The following PADI1 variants were observed in gnomAD, a reference collection of about 807,000 sequenced individuals.
The protein encoded by PADI1 is protein-arginine deiminase type-1.
PADI1 carries 65 observed loss-of-function variants against 74.8 expected under a neutral mutation model. That is an observed-to-expected ratio of 0.87 (90% CI 0.71 to 1.07). PADI1 has a LOEUF of 1.07. Ranked by LOEUF, PADI1 falls within the 50% of genes least tolerant of loss-of-function variation. PADI1 has a pLI of 0.00. For synonymous variants in PADI1, 371 were observed against 336.2 expected (o/e 1.10, Z -1.13); for missense variants, 943 against 854.0 (o/e 1.10, Z -1.30).
At chr1:17,227,574 TAAATA>T (rs1557468609) in intron 6 of PADI1, among the ~76,000 whole-genome samples, 29 of 137,456 alleles carry the variant, frequency 2.1e-4, no homozygotes, top group Middle Eastern at 4.9e-3. Context: ...AATAAATAAA[TAAATA>T]AATTACCACT....
At chr1:17,219,367 G>T (rs551899248) in intron 1 of PADI1, among the ~76,000 whole-genome samples, 1 of 152,304 alleles carries the variant, frequency 6.6e-6, no homozygotes, top group East Asian at 1.9e-4. Context: ...TGGGCTGAAG[G>T]TTTGGTTGCA....
chr1:17,230,331 C>A, intron 9 of PADI1, 123 bp downstream of exon 9: 21 of 1,248,318 alleles, frequency 1.7e-5, no homozygotes, highest in Non-Finnish European at 2.2e-5. Context: ...GCCTCTGGGG[C>A]GAGGGCTTTT....
intron 1 of PADI1, among the ~76,000 whole-genome samples, chr1:17,218,646 G>T (rs949961633): frequency 3.9e-5 from 6 of 152,202 alleles, no homozygotes; most frequent in African/African-American, 9.6e-5. Flanking sequence ...TTAGAGGCAG[G>T]TTGCAGACGC....
chr1:17,237,824 G>A (rs1367381540), intron 12 of PADI1, among the ~76,000 whole-genome samples: 1 of 152,160 alleles, frequency 6.6e-6, no homozygotes, highest in African/African-American at 2.4e-5. Context: ...GCTCAGAAGG[G>A]CAATTAACCC....
intron 3 of PADI1, 113 bp from the exon 4 acceptor site, chr1:17,224,254 G>T: frequency 1.2e-6 from 1 of 849,092 alleles, no homozygotes; most frequent in Admixed American, 2.0e-5. Flanking sequence ...CCCAGACAGG[G>T]CTTCCAGTCC....
At chr1:17,207,718 A>G (rs2071720312) in intron 1 of PADI1, among the ~76,000 whole-genome samples, 1 of 152,232 alleles carries the variant, frequency 6.6e-6, no homozygotes, top group Non-Finnish European at 1.5e-5. Context: ...TGGGCTATTC[A>G]TAGCTGTTGT....
rs139052576 is a variant in PADI1, at chr1:17,232,920, C to A, written c.1263C>A (p.Gly421=). The A allele has an allele frequency of 5.0e-6, 8 of 1,612,190 alleles. No homozygotes were observed. Among genetic ancestry groups the A allele is most frequent in the African/African-American group, 2.7e-5 (2 of 74,906 alleles). The stretch of plus-strand genomic sequence containing the variant: ...ACGTCAGCCCGCCCGTCACGGTGGG[C>A]GGCACGGAATACCCCCTGGGCCGGA... ...NLDVSPPVTV[G]GTEYPLGRIL... Residue 421 remains glycine, a synonymous_variant, in exon 11 of 16, where the codon GGC becomes GGA. Coordinates refer to ENST00000375471, the MANE Select transcript of PADI1 (RefSeq NM_013358.3).
rs372098470 is a variant in PADI1 at position 17,237,343 on chromosome 1, T to C, written c.1343T>C (p.Val448Ala). 2.5e-6 allele frequency: 4 copies of C among 1,611,822 alleles called. No homozygotes were observed. The African/African-American group carries it at 4.0e-5, about 16-fold the overall frequency. The change falls in exon 12 of 16, where the codon GTG becomes GCG. Residue 448 changes from valine (V) to alanine (A), a missense_variant. Coordinates refer to ENST00000375471, the MANE Select transcript of PADI1 (RefSeq NM_013358.3). ...GGTGGGCGGCAGATGGCCAGGGCAG[T>C]GCGGAACTTCCTGAAGGCACAGCAG... ...KSGGRQMARAVRNFLKAQQVQ... is the reference protein window; with the variant it reads ...KSGGRQMARAARNFLKAQQVQ...
chr1:17,232,821 T>A lies in PADI1; in HGVS notation c.1164T>A (p.Gly388=). 6.2e-7 allele frequency: 1 copy of A among 1,612,230 alleles called. No individual in the cohort carries two copies. The highest frequency in any genetic ancestry group is 8.5e-7 in the Non-Finnish European group (1 of 1,179,044). The stretch of plus-strand genomic sequence containing the variant: ...GGGTCTCGCTGGTTCTTCCATAGGG[T>A]CCTGACTTTGGATATGTTACCCGGG... The part of the protein sequence containing the change: ...LKDFPYKRIL[G]PDFGYVTREI... Residue 388 remains glycine (G), a splice_region_variant and synonymous_variant, in exon 11 of 16, where the codon GGT becomes GGA. Transcript: ENST00000375471.
At chr1:17,221,520 G>T (rs1399946451) in intron 1 of PADI1, among the ~76,000 whole-genome samples, 4 of 151,228 alleles carry the variant, frequency 2.6e-5, no homozygotes, top group African/African-American at 9.7e-5. Flanking sequence ...TGGGGGATCA[G>T]TCGGGGGGAA....
Position 17,244,041 on chromosome 1 carries a change from G to A in PADI1, c.1790G>A (p.Gly597Asp). ...ATGGTGGTCTTAGGCAAGTACCTGG[G>A]CATCCCCAAGCCCTACGGGCCCATC... ...VNMVVLGKYL[G>D]IPKPYGPIIN... The change falls in exon 16 of 16, where the codon GGC becomes GAC. Residue 597 changes from glycine (G) to aspartate (D), a missense_variant. By Grantham distance (94) the Gly-to-Asp change is moderately conservative. Transcript: ENST00000375471. 6.2e-7 allele frequency: 1 copy of A among 1,614,084 alleles called. No homozygotes were observed.
intron 15 of PADI1, among the ~76,000 whole-genome samples, chr1:17,241,400 T>C (rs1191836641): frequency 6.6e-6 from 1 of 152,282 alleles, no homozygotes; most frequent in Admixed American, 6.5e-5. Context: ...GGATAGACCC[T>C]CTTTCTTCAG....
In PADI1 at chr1:17,244,082, T is replaced by C. The variant is rs1319756873; in HGVS notation, c.1831T>C (p.Cys611Arg). Residue 611 changes from cysteine (C) to arginine (R), a missense_variant, in exon 16 of 16, where the codon TGC becomes CGC. Cys to Arg is a radical substitution (Grantham distance 180). Coordinates refer to ENST00000375471, the MANE Select transcript of PADI1 (RefSeq NM_013358.3). ...PYGPIINGRCCLEEKVQSLLE... is the reference protein window; with the variant it reads ...PYGPIINGRCRLEEKVQSLLE... ...CGGGCCCATCATCAATGGCCGCTGC[T>C]GCCTGGAGGAGAAGGTGCAGTCCCT... The C allele has an allele frequency of 8.1e-6, 13 of 1,614,254 alleles. No individual in the cohort carries two copies. The highest frequency in any genetic ancestry group is 1.0e-5 in the Non-Finnish European group (12 of 1,180,046).
intron 1 of PADI1, among the ~76,000 whole-genome samples, chr1:17,214,652 C>T (rs866682535): frequency 2.6e-5 from 4 of 152,166 alleles, no homozygotes; most frequent in Admixed American, 2.0e-4. Flanking sequence ...TGGAGGAAGC[C>T]GGGAGCAGCT....
chr1:17,205,636 G>A (rs1436032675), intron 1 of PADI1, among the ~76,000 whole-genome samples: 1 of 152,074 alleles, frequency 6.6e-6, no homozygotes, highest in Non-Finnish European at 1.5e-5. Flanking sequence ...GAACTTGTGT[G>A]GAACATCAGA....
chr1:17,221,218 A>G (rs1392902399), intron 1 of PADI1, among the ~76,000 whole-genome samples: 1 of 152,232 alleles, frequency 6.6e-6, no homozygotes, highest in Non-Finnish European at 1.5e-5. Flanking sequence ...GAATGCATCC[A>G]TTCATTCACA....
intron 1 of PADI1, among the ~76,000 whole-genome samples, chr1:17,215,495 A>G (rs2071952947): frequency 6.6e-6 from 1 of 152,128 alleles, no homozygotes; most frequent in Admixed American, 6.5e-5. Flanking sequence ...TTGGCTCCAC[A>G]GAGTCCTGCT....
intron 1 of PADI1, among the ~76,000 whole-genome samples, chr1:17,217,751 G>C (rs1300058820): frequency 6.6e-6 from 1 of 152,234 alleles, no homozygotes. Flanking sequence ...ACTTGAAACT[G>C]GCTAGAGTGG....
intron 13 of PADI1, among the ~76,000 whole-genome samples, chr1:17,239,082 G>A (rs1480636453): frequency 6.6e-6 from 1 of 152,230 alleles, no homozygotes; most frequent in East Asian, 1.9e-4. Flanking sequence ...CCTTGAGAGA[G>A]GAAGGAGGAG....
Sources: gnomAD v4.1 joint callset for allele counts (sites outside exome capture counted in the v4.1 genomes callset) on GRCh38, gnomAD v4.1.1 for gene constraint, MANE v1.5 for transcripts, NCBI Gene and HGNC (gene_info 2026-07-23, HGNC 2026-07-21) for gene names.